Variants in REM2 observed in about 807,000 individuals in gnomAD.
REM2 encodes the protein RRAD and GEM like GTPase 2, also known as GTP-binding protein REM 2.
Under a neutral mutation model 24.4 loss-of-function variants are expected in REM2, and 24 were observed. The ratio of observed to expected loss-of-function variants is 0.98; its 90% CI spans 0.71 to 1.38. The LOEUF is 1.38. Among genes scored for constraint, REM2 ranks in the 40% most tolerant of loss-of-function variants. The pLI, the probability that REM2 is intolerant of heterozygous loss-of-function variation, is 0.00. For synonymous variants in REM2, 187 were observed against 198.0 expected (o/e 0.94, Z 0.47); for missense variants, 429 against 467.8 (o/e 0.92, Z 0.77).
In REM2 at chr14:22,885,695, G is replaced by A. The variant is rs2040118661; in HGVS notation, c.520-329G>A. 2.0e-5 allele frequency among the ~76,000 whole-genome samples: 3 copies of A among 152,076 alleles called. No homozygotes were observed. The South Asian group carries it at 6.2e-4, about 31-fold the overall frequency. ...TCAGGGATCTGGAATATCAGGGAAGGGGGAAAAAAGTGAGGACTTCTGAAT... is the reference window on the plus strand; with the variant it reads ...TCAGGGATCTGGAATATCAGGGAAGAGGGAAAAAAGTGAGGACTTCTGAAT... On this transcript the variant is annotated intron_variant, in intron 3 of 4. Transcript: ENST00000267396.
Position 22,884,735 on chromosome 14 carries a change from G to A in REM2, c.165G>A (p.Gly55=). 6.2e-7 allele frequency: 1 copy of A among 1,613,986 alleles called. No homozygotes were observed. The highest frequency in any genetic ancestry group is 8.5e-7 in the Non-Finnish European group (1 of 1,179,872). The change falls in exon 2 of 5, where the codon GGG becomes GGA. Residue 55 remains glycine (G), a synonymous_variant. Coordinates refer to ENST00000267396, the MANE Select transcript of REM2 (RefSeq NM_173527.3). ...EKLLAELDRS[G]LPSAPGAPRR... ...TGTTGGCAGAGTTGGACCGGAGCGG[G>A]TTACCCTCTGCCCCTGGGGCCCCCA...
chr14:22,885,142 C>T (rs117327312), intron 2 of REM2, 124 bp from the exon 3 acceptor site: 20,216 of 1,353,926 alleles, frequency 0.015, 197 homozygotes, highest in Non-Finnish European at 0.019. Context: ...CTTTCTGTGG[C>T]AGCCTCCCTG....
chr14:22,885,917 C>A, intron 3 of REM2, 107 bp from the exon 4 acceptor site: 1 of 828,392 alleles, frequency 1.2e-6, no homozygotes, highest in Non-Finnish European at 2.0e-6. Flanking sequence ...CTGTCCTAAG[C>A]AGGTGGCTTC....
rs1370481618 is a variant in REM2 at position 22,887,576 on chromosome 14, T to A, written c.*667T>A. 2 of 152,212 alleles carry A rather than the reference T, an allele frequency of 1.3e-5. No individual in the cohort carries two copies. The highest frequency in any genetic ancestry group is 2.9e-5 in the Non-Finnish European group (2 of 68,034). The allele number at this position is 152,212 out of a possible 1,614,324, so 9.4% of individuals were successfully genotyped here. A position where few individuals can be genotyped will look rare whatever the true frequency, so the allele number is the denominator to read the frequency against. ...AAAGGTAAGGGGTGGACAGACTTTCTGCATTCAGATAATGAGCAGTGGCAA... is the reference window on the plus strand; with the variant it reads ...AAAGGTAAGGGGTGGACAGACTTTCAGCATTCAGATAATGAGCAGTGGCAA... On this transcript the variant is annotated 3_prime_UTR_variant, in exon 5 of 5. Transcript: ENST00000267396.
Position 22,886,989 on chromosome 14 carries a change from TCC to T in REM2, c.*81_*82del, listed in dbSNP as rs1314309680. On this transcript the variant is annotated 3_prime_UTR_variant, in exon 5 of 5. Transcript: ENST00000267396. The surrounding 1 kb of genome is among the most constrained non-coding windows in gnomAD (Gnocchi z 5.9). ...CCCCCCTCGCCCCGCCCCGCCCCCG[TCC>T]GGCTTCCTTGGTGGAGGCCGTCTAG... 1.6e-6 allele frequency: 2 copies of T among 1,246,906 alleles called. No individual in the cohort carries two copies. Among genetic ancestry groups the T allele is most frequent in the Non-Finnish European group, 2.1e-6 (2 of 946,194 alleles). 77.2% of individuals were successfully genotyped at this position (1,246,906 alleles called of 1,614,324 possible). A position where few individuals can be genotyped will look rare whatever the true frequency, so the allele number is the denominator to read the frequency against.
Position 22,886,082 on chromosome 14 carries a change from TC to T in REM2, c.579del (p.Ile193MetfsTer59), listed in dbSNP as rs779779676. On this transcript the variant is annotated frameshift_variant, in exon 4 of 5. Transcript: ENST00000267396. LOFTEE classifies it high-confidence loss of function. The surrounding 1 kb of genome is among the most constrained non-coding windows in gnomAD (Gnocchi z 5.9). ...CTTCAGACCGGGGACGCCTTTCTCA[TC>T]GTCTTCTCAGTCACCGACCGACGGA... Reference protein sequence around the residue: ...HCLQTGDAFLIVFSVTDRRSF... With the variant: ...HCLQTGDAFLXVFSVTDRRSF... 1.2e-6 allele frequency: 2 copies of T among 1,613,982 alleles called. No homozygotes were observed. The highest frequency in any genetic ancestry group is 4.5e-5 in the East Asian group (2 of 44,874).
rs2040129730 is a variant in REM2, at chr14:22,886,511, A to G, written c.728-103A>G. The G allele has an allele frequency of 9.4e-7, 1 of 1,068,376 alleles. No individual in the cohort carries two copies. The highest frequency in any genetic ancestry group is 2.6e-5 in the East Asian group (1 of 38,420). The allele number at this position is 1,068,376 out of a possible 1,614,324, so 66.2% of individuals were successfully genotyped here. A position where few individuals can be genotyped will look rare whatever the true frequency, so the allele number is the denominator to read the frequency against. On this transcript the variant is annotated intron_variant, in intron 4 of 4. Transcript: ENST00000267396. This position sits in a 1 kb window ranked among gnomAD's most constrained non-coding sequence, Gnocchi z 5.9. Reference sequence around the variant, plus strand: ...TGTTCTCTCGGTTGCAAGATTCACTAGTACCAATCCCTTGCCACCGCACGC... The same window carrying G: ...TGTTCTCTCGGTTGCAAGATTCACTGGTACCAATCCCTTGCCACCGCACGC...
Position 22,886,600 on chromosome 14 carries a change from G to GTGCCTTCC in REM2, c.728-10_728-3dup. ...TACAGCCCAGCGGGCGCCTGAGCCG[G>GTGCCTTCC]TGCCTTCCTGCAGAGGGCCGCCACC... On this transcript the variant is annotated splice_polypyrimidine_tract_variant and intron_variant, in intron 4 of 4. Transcript: ENST00000267396. This position sits in a 1 kb window ranked among gnomAD's most constrained non-coding sequence, Gnocchi z 5.9. 3 of 1,445,738 alleles carry GTGCCTTCC rather than the reference G, an allele frequency of 2.1e-6. No homozygotes were observed. In the South Asian group the frequency reaches 4.5e-5, roughly 21 times the overall value. 89.6% of individuals were successfully genotyped at this position (1,445,738 alleles called of 1,614,324 possible). A position where few individuals can be genotyped will look rare whatever the true frequency, so the allele number is the denominator to read the frequency against.
rs1595036446 is a variant in REM2, at chr14:22,883,743, G to A, written c.103+353G>A. On this transcript the variant is annotated intron_variant, in intron 1 of 4. Coordinates refer to ENST00000267396, the MANE Select transcript of REM2 (RefSeq NM_173527.3). ...GAATCACAGGCAGGGGCTACCCCGG[G>A]GAACTATTGTAAGGGTTCTTCTGGC... 2.0e-5 allele frequency among the ~76,000 whole-genome samples: 3 copies of A among 152,254 alleles called. No homozygotes were observed. In the South Asian group the frequency reaches 6.2e-4, roughly 32 times the overall value.
In REM2 at chr14:22,886,670, C is replaced by A. The variant is rs1299895789; in HGVS notation, c.784C>A (p.Leu262Met). ...SCKHIETSAA[L>M]HHNTRELFEG... ...CAAGCACATCGAGACGTCGGCCGCA[C>A]TGCACCACAACACGAGGGAGCTCTT... Residue 262 changes from leucine (L) to methionine (M), a missense_variant, in exon 5 of 5, where the codon CTG becomes ATG. Transcript: ENST00000267396. This position sits in a 1 kb window ranked among gnomAD's most constrained non-coding sequence, Gnocchi z 5.9. 1 of 1,478,676 alleles carries A rather than the reference C, an allele frequency of 6.8e-7. No individual in the cohort carries two copies. Among genetic ancestry groups the A allele is most frequent in the East Asian group, 2.5e-5 (1 of 39,954 alleles). The allele number at this position is 1,478,676 out of a possible 1,614,324, so 91.6% of individuals were successfully genotyped here.
rs1001984754 is a variant in REM2, at chr14:22,883,267, C to A, written c.-21C>A. ...CGAGCTGCTGGGCTGCACACGCACA[C>A]GCACACGCACACGCACACTGATGCA... On this transcript the variant is annotated 5_prime_UTR_variant, in exon 1 of 5. Transcript: ENST00000267396. 9 of 1,093,090 alleles carry A rather than the reference C, an allele frequency of 8.2e-6. No individual in the cohort carries two copies. The highest frequency in any genetic ancestry group is 1.5e-5 in the African/African-American group (1 of 65,498). 67.7% of individuals were successfully genotyped at this position (1,093,090 alleles called of 1,614,324 possible). A position where few individuals can be genotyped will look rare whatever the true frequency, so the allele number is the denominator to read the frequency against.
In REM2 at chr14:22,886,621, C is replaced by G. The variant is rs1256898855; in HGVS notation, c.735C>G (p.Arg245=). 6.9e-7 allele frequency: 1 copy of G among 1,451,178 alleles called. No individual in the cohort carries two copies. The highest frequency in any genetic ancestry group is 1.5e-5 in the South Asian group (1 of 67,906). 89.9% of individuals were successfully genotyped at this position (1,451,178 alleles called of 1,614,324 possible). A position where few individuals can be genotyped will look rare whatever the true frequency, so the allele number is the denominator to read the frequency against. ...GCCGGTGCCTTCCTGCAGAGGGCCGCCACCTGGCCGGGACGCTGAGCTGCA... is the reference window on the plus strand; with the variant it reads ...GCCGGTGCCTTCCTGCAGAGGGCCGGCACCTGGCCGGGACGCTGAGCTGCA... ...RSREVSLEEG[R]HLAGTLSCKH... Residue 245 remains arginine, a synonymous_variant, in exon 5 of 5, where the codon CGC becomes CGG. Coordinates refer to ENST00000267396, the MANE Select transcript of REM2 (RefSeq NM_173527.3). This position sits in a 1 kb window ranked among gnomAD's most constrained non-coding sequence, Gnocchi z 5.9.
chr14:22,886,046 G>A lies in REM2; in HGVS notation c.542G>A (p.Arg181Gln), dbSNP rs1412604370. 1 of 1,613,920 alleles carries A rather than the reference G, an allele frequency of 6.2e-7. No individual in the cohort carries two copies. Among genetic ancestry groups the A allele is most frequent in the Non-Finnish European group, 8.5e-7 (1 of 1,179,850 alleles). ...CAGGGGGATGCAGGAGGGTGGCTGC[G>A]GGACCACTGCCTTCAGACCGGGGAC... ...WEQGDAGGWLRDHCLQTGDAF... is the reference protein window; with the variant it reads ...WEQGDAGGWLQDHCLQTGDAF... The change falls in exon 4 of 5, where the codon CGG (arginine) becomes CAG (glutamine). Residue 181 changes from arginine (R) to glutamine (Q), a missense_variant. Physicochemically the swap from Arg to Gln is conservative, Grantham distance 43. Transcript: ENST00000267396. The surrounding 1 kb of genome is among the most constrained non-coding windows in gnomAD (Gnocchi z 5.9).
chr14:22,885,004 C>T lies in REM2; in HGVS notation c.434C>T (p.Pro145Leu), dbSNP rs186131311. The stretch of plus-strand genomic sequence containing the variant: ...CTCCAGGGAGACAGTGCTCACGAAC[C>T]GGAGAACCCAGGTATTTGGGGAAGC... ...GGLQGDSAHE[P>L]ENPEDTYERR... The change falls in exon 2 of 5, where the codon CCG becomes CTG. Residue 145 changes from proline to leucine, a missense_variant. By Grantham distance (98) the Pro-to-Leu change is moderately conservative (BLOSUM62 -3). Coordinates refer to ENST00000267396, the MANE Select transcript of REM2 (RefSeq NM_173527.3). 1.6e-4 allele frequency: 244 copies of T among 1,533,408 alleles called. No homozygotes were observed. The East Asian group carries it at 1.9e-3, about 12-fold the overall frequency. The allele number at this position is 1,533,408 out of a possible 1,614,324, so 95.0% of individuals were successfully genotyped here.
In REM2 at chr14:22,885,247, T is replaced by C. The variant is rs371952944; in HGVS notation, c.446-19T>C. 2.5e-6 allele frequency: 4 copies of C among 1,607,636 alleles called. No individual in the cohort carries two copies. The highest frequency in any genetic ancestry group is 2.7e-5 in the African/African-American group (2 of 74,786). ...AAACCTCCTAATGGACTTTATACCCTCTCCCTATTTCCCAGCAGAGGATAC... is the reference window on the plus strand; with the variant it reads ...AAACCTCCTAATGGACTTTATACCCCCTCCCTATTTCCCAGCAGAGGATAC... On this transcript the variant is annotated intron_variant, in intron 2 of 4. Transcript: ENST00000267396.
chr14:22,886,272 G>A lies in REM2; in HGVS notation c.727+41G>A. 1.3e-6 allele frequency: 2 copies of A among 1,536,908 alleles called. No homozygotes were observed. Among genetic ancestry groups the A allele is most frequent in the Non-Finnish European group, 1.8e-6 (2 of 1,124,852 alleles). ...AGATTCCATACTTGCGATCTCAGGG[G>A]AATGCTCTCCCTTCCAAGTCACCTC... On this transcript the variant is annotated intron_variant, in intron 4 of 4. Coordinates refer to ENST00000267396, the MANE Select transcript of REM2 (RefSeq NM_173527.3). This position sits in a 1 kb window ranked among gnomAD's most constrained non-coding sequence, Gnocchi z 5.9.
chr14:22,886,969 C>A lies in REM2; in HGVS notation c.*60C>A. 7 of 1,307,622 alleles carry A rather than the reference C, an allele frequency of 5.4e-6. No homozygotes were observed. The highest frequency in any genetic ancestry group is 3.5e-5 in the South Asian group (2 of 57,776). 81.0% of individuals were successfully genotyped at this position (1,307,622 alleles called of 1,614,324 possible). On this transcript the variant is annotated 3_prime_UTR_variant, in exon 5 of 5. Transcript: ENST00000267396. The surrounding 1 kb of genome is among the most constrained non-coding windows in gnomAD (Gnocchi z 5.9). Reference sequence around the variant, plus strand: ...TCACCGCGCCCTCCGCTCGCCCCCCCTCGCCCCGCCCCGCCCCCGTCCGGC... The same window carrying A: ...TCACCGCGCCCTCCGCTCGCCCCCCATCGCCCCGCCCCGCCCCCGTCCGGC...
At chr14:22,885,452 A>G (rs1188811979) in intron 3 of REM2, 113 bp downstream of exon 3, 2 of 768,418 alleles carry the variant, frequency 2.6e-6, no homozygotes, top group Non-Finnish European at 4.6e-6. Context: ...CATGTACTGG[A>G]ACCTGACCTT....
chr14:22,886,183 G>A lies in REM2; in HGVS notation c.679G>A (p.Val227Ile). Reference protein sequence around the residue: ...RPHHDLPVILVGNKSDLARSR... With the variant: ...RPHHDLPVILIGNKSDLARSR... ...GCACCACGACCTACCCGTTATCCTCGTTGGAAACAAGAGCGACTTGGCCCG... is the reference window on the plus strand; with the variant it reads ...GCACCACGACCTACCCGTTATCCTCATTGGAAACAAGAGCGACTTGGCCCG... Residue 227 changes from valine (V) to isoleucine (I), a missense_variant, in exon 4 of 5, where the codon GTT becomes ATT. Coordinates refer to ENST00000267396, the MANE Select transcript of REM2 (RefSeq NM_173527.3). The surrounding 1 kb of genome is among the most constrained non-coding windows in gnomAD (Gnocchi z 5.9). 4 of 1,613,922 alleles carry A rather than the reference G, an allele frequency of 2.5e-6. No homozygotes were observed. Among genetic ancestry groups the A allele is most frequent in the Non-Finnish European group, 3.4e-6 (4 of 1,179,874 alleles).
Sources: gnomAD v4.1 joint callset for allele counts (sites outside exome capture counted in the v4.1 genomes callset) on GRCh38, gnomAD v4.1.1 for gene constraint, Gnocchi (gnomAD v3.1) non-coding constraint, MANE v1.5 for transcripts, NCBI Gene and HGNC (gene_info 2026-07-23, HGNC 2026-07-21) for gene names.